ABCA13: variants seen among roughly 807,000 people sequenced by gnomAD.
The protein encoded by ABCA13 is ATP-binding cassette sub-family A member 13.
A neutral mutation model predicts 478.7 loss-of-function variants in ABCA13; 476 were observed. The observed-to-expected ratio is 0.99, with a 90% CI of 0.92 to 1.07. ABCA13 has a LOEUF of 1.07. Among genes scored for constraint, ABCA13 ranks in the 50% least tolerant of loss-of-function variants. ABCA13 has a pLI of 0.00. For synonymous variants in ABCA13, 2,252 were observed against 2,158.9 expected (o/e 1.04, Z -1.20); for missense variants, 6,060 against 5,910.6 (o/e 1.03, Z -0.83).
intron 58 of ABCA13, chr7:48,603,879 G>A (rs1563494797): frequency 6.6e-6 from 1 of 152,046 alleles, no homozygotes; most frequent in Admixed American, 6.6e-5. Flanking sequence ...TTGGTTGGTA[G>A]GCTATTAATT....
At chr7:48,457,878 A>G (rs919637350) in intron 43 of ABCA13, among the ~76,000 whole-genome samples, 11 of 152,190 alleles carry the variant, frequency 7.2e-5, no homozygotes, top group African/African-American at 2.4e-4. Flanking sequence ...AAAAAGTAAA[A>G]AGCTACCAGG....
chr7:48,248,300 A>T lies in ABCA13; in HGVS notation c.1721A>T (p.Glu574Val), dbSNP rs1439373606. The change falls in exon 14 of 62, where the codon GAA becomes GTA. Residue 574 changes from glutamate to valine, a missense_variant. This residue lies in a region of ABCA13 where 4,423 missense variants were observed against 4,309.1 expected (regional missense o/e 1.03). Transcript: ENST00000435803. ...HKNMSVLIPE[E>V]YLDWQELEMQ... is the part of the protein sequence containing the mutation. ...AATATGTCAGTTTTAATACCTGAAG[A>T]ATATTTGGACTGGCAGGAACTTGAG... 6 of 1,613,854 alleles carry T rather than the reference A, an allele frequency of 3.7e-6. No individual in the cohort carries two copies. The highest frequency in any genetic ancestry group is 5.1e-6 in the Non-Finnish European group (6 of 1,179,778).
At chr7:48,446,665 T>G (rs1824350126) in intron 42 of ABCA13, among the ~76,000 whole-genome samples, 1 of 151,570 alleles carries the variant, frequency 6.6e-6, no homozygotes, top group Non-Finnish European at 1.5e-5. Flanking sequence ...AGTAGAACTC[T>G]GCCTCTTCAG....
At chr7:48,633,981 T>TAGATA (rs769770625) in intron 59 of ABCA13, among the ~76,000 whole-genome samples, 1 of 149,226 alleles carries the variant, frequency 6.7e-6, no homozygotes, top group Non-Finnish European at 1.5e-5. Flanking sequence ...GATAGATAGA[T>TAGATA]GACAGAGAGA....
chr7:48,186,315 G>A (rs1335453295), intron 1 of ABCA13, among the ~76,000 whole-genome samples: 1 of 151,878 alleles, frequency 6.6e-6, no homozygotes, highest in African/African-American at 2.4e-5. Flanking sequence ...TGTTTTTCTG[G>A]GTATACAATT....
intron 58 of ABCA13, among the ~76,000 whole-genome samples, chr7:48,614,476 G>A (rs1792346613): frequency 6.6e-6 from 1 of 151,228 alleles, no homozygotes; most frequent in African/African-American, 2.4e-5. Context: ...AGTCAGTGTA[G>A]CGATTCTTCA....
At chr7:48,469,689 G>A (rs1827261612) in intron 44 of ABCA13, among the ~76,000 whole-genome samples, 1 of 152,096 alleles carries the variant, frequency 6.6e-6, no homozygotes, top group Non-Finnish European at 1.5e-5. Flanking sequence ...GGGAGGCCGA[G>A]GTGGGCGGAT....
At position 48,273,896 on chromosome 7, in the gene ABCA13, C is replaced by T. The variant is rs1795953052; in HGVS notation, c.4230C>T (p.Ser1410=). ...VINHLYLLSN[S]SFSQGHLQNI... ...ACCATTTGTATTTGTTGTCTAACTC[C>T]AGTTTTTCACAAGGTCATCTTCAAA... is the stretch of plus-strand genomic sequence containing the variant. The change falls in exon 17 of 62, where the codon TCC becomes TCT. Residue 1410 remains serine, a synonymous_variant. Coordinates refer to ENST00000435803, the MANE Select transcript of ABCA13 (RefSeq NM_152701.5). The T allele has an allele frequency of 1.9e-6, 3 of 1,612,768 alleles. No homozygotes were observed. The highest frequency in any genetic ancestry group is 2.5e-6 in the Non-Finnish European group (3 of 1,179,314).
At chr7:48,294,222 G>A (rs938013004) in intron 20 of ABCA13, among the ~76,000 whole-genome samples, 2 of 152,060 alleles carry the variant, frequency 1.3e-5, no homozygotes, top group African/African-American at 4.8e-5. Context: ...TGTCGTGCGT[G>A]TGTGTTAACA....
chr7:48,604,092 T>A (rs1194539412), intron 58 of ABCA13, among the ~76,000 whole-genome samples: 2 of 152,216 alleles, frequency 1.3e-5, no homozygotes, highest in Non-Finnish European at 2.9e-5. Flanking sequence ...CTTTATCATT[T>A]TTTATTGCAT....
At position 48,477,661 on chromosome 7, in the gene ABCA13, G is replaced by T. The variant is rs1237201009; in HGVS notation, c.12976-3375G>T. ...AAGGACAAAAAACCAAACACTGCAT[G>T]TTCTCACTCATAGGTGGGAATTGAA... On this transcript the variant is annotated intron_variant, in intron 45 of 61. Coordinates refer to ENST00000435803, the MANE Select transcript of ABCA13 (RefSeq NM_152701.5). 4.1e-5 allele frequency among the ~76,000 whole-genome samples: 6 copies of T among 146,910 alleles called. No homozygotes were observed. The Admixed American group carries it at 4.2e-4, about 10-fold the overall frequency.
At chr7:48,259,530 G>A (rs991879569) in intron 15 of ABCA13, among the ~76,000 whole-genome samples, 10 of 151,906 alleles carry the variant, frequency 6.6e-5, no homozygotes, top group African/African-American at 2.4e-4. Context: ...AGACACATAT[G>A]GCGTCTTACT....
rs138264286 is a variant in ABCA13 at position 48,412,806 on chromosome 7, G to A, written c.12459+223G>A. ...CTTTAAGTGAAATGGCATTCTTTTA[G>A]CATTCTTTTTTTTTGTTTTGTTTTG... On this transcript the variant is annotated intron_variant, in intron 41 of 61. Transcript: ENST00000435803. 1.7e-4 allele frequency among the ~76,000 whole-genome samples: 26 copies of A among 148,844 alleles called. No homozygotes were observed. The East Asian group carries it at 4.8e-3, about 27-fold the overall frequency.
chr7:48,327,918 A>G (rs1804577140), intron 27 of ABCA13, among the ~76,000 whole-genome samples: 1 of 152,240 alleles, frequency 6.6e-6, no homozygotes, highest in Admixed American at 6.5e-5. Context: ...GTTTGTAAGC[A>G]GTAGAGATGG....
chr7:48,568,920 A>G (rs1787337316), intron 55 of ABCA13, among the ~76,000 whole-genome samples: 1 of 151,904 alleles, frequency 6.6e-6, no homozygotes, highest in African/African-American at 2.4e-5. Context: ...ATTTTGGCAT[A>G]CGAATATTTA....
At chr7:48,227,544 C>A (rs1788411482) in intron 6 of ABCA13, 119 bp downstream of exon 6, 2 of 1,238,556 alleles carry the variant, frequency 1.6e-6, no homozygotes, top group African/African-American at 3.1e-5. Context: ...ATAATGTTAC[C>A]TTGAAACAAG....
intron 55 of ABCA13, among the ~76,000 whole-genome samples, chr7:48,574,608 T>C (rs1035837847): frequency 5.3e-5 from 8 of 152,192 alleles, no homozygotes; most frequent in South Asian, 2.1e-4. Flanking sequence ...CCCTGGGATA[T>C]TGGCCTCTCA....
Position 48,394,238 on chromosome 7 carries a change from C to T in ABCA13, c.11873+2099C>T, listed in dbSNP as rs914788920. ...ATTTATTATGAGTGCCCCCTTCCACCTCAAAACCCTCCTCCTTTGGAATAT... is the reference window on the plus strand; with the variant it reads ...ATTTATTATGAGTGCCCCCTTCCACTTCAAAACCCTCCTCCTTTGGAATAT... On this transcript the variant is annotated intron_variant, in intron 38 of 61. Transcript: ENST00000435803. Among the ~76,000 whole-genome samples the T allele has an allele frequency of 2.0e-5, 3 of 152,200 alleles. No homozygotes were observed. In the East Asian group the frequency reaches 5.8e-4, roughly 29 times the overall value.
intron 31 of ABCA13, among the ~76,000 whole-genome samples, chr7:48,359,709 T>C (rs955032242): frequency 6.6e-6 from 1 of 151,932 alleles, no homozygotes; most frequent in African/African-American, 2.4e-5. Context: ...TCCCTGCACT[T>C]GCCTCAAAGT....
Sources: gnomAD v4.1 joint callset for allele counts (sites outside exome capture counted in the v4.1 genomes callset) on GRCh38, gnomAD v4.1.1 for gene constraint, gnomAD v4.1.1 regional missense constraint, MANE v1.5 for transcripts, NCBI Gene and HGNC (gene_info 2026-07-23, HGNC 2026-07-21) for gene names.